The following TRPC3 variants were observed in gnomAD, a reference collection of about 807,000 sequenced individuals.
TRPC3 encodes the protein transient receptor potential cation channel subfamily C member 3.
A neutral mutation model predicts 90.9 loss-of-function variants in TRPC3; 54 were observed. The ratio of observed to expected loss-of-function variants is 0.59; its 90% CI spans 0.48 to 0.75. The LOEUF is 0.75. TRPC3 is among the 30% of genes least tolerant of loss of function. TRPC3 has a pLI of 0.00. For synonymous variants in TRPC3, 424 were observed against 450.9 expected (o/e 0.94, Z 0.75); for missense variants, 918 against 1,194.5 (o/e 0.77, Z 3.41).
chr4:121,926,411 C>T (rs1354143450), intron 2 of TRPC3, among the ~76,000 whole-genome samples: 1 of 144,660 alleles, frequency 6.9e-6, no homozygotes, highest in Non-Finnish European at 1.5e-5. Context: ...TTTTTGTTTT[C>T]TTTTTTTTTT....
chr4:121,901,035 G>A (rs966746375), intron 9 of TRPC3, among the ~76,000 whole-genome samples: 3 of 152,128 alleles, frequency 2.0e-5, no homozygotes, highest in Admixed American at 6.5e-5. Context: ...AGCCTACTGC[G>A]TGTGCTCTTC....
chr4:121,882,502 CT>C, intron 10 of TRPC3, 73 bp from the exon 11 acceptor site: 1 of 1,387,338 alleles, frequency 7.2e-7, no homozygotes. Context: ...TCCAAAGAGG[CT>C]TACATACCTG....
At chr4:121,925,236 C>G (rs1729662186) in intron 2 of TRPC3, 30 bp from the exon 3 acceptor site, 1 of 1,578,636 alleles carries the variant, frequency 6.3e-7, no homozygotes, top group South Asian at 1.2e-5. Flanking sequence ...TGTTTTAACA[C>G]AAATAATTTG....
chr4:121,898,550 TC>T (rs775593654), intron 10 of TRPC3, among the ~76,000 whole-genome samples: 2 of 152,126 alleles, frequency 1.3e-5, no homozygotes, highest in Non-Finnish European at 2.9e-5. Context: ...AAAATTGTCT[TC>T]CACAAAACCG....
intron 1 of TRPC3, among the ~76,000 whole-genome samples, chr4:121,946,411 A>G (rs1730490622): frequency 6.6e-6 from 1 of 152,238 alleles, no homozygotes; most frequent in African/African-American, 2.4e-5. Context: ...AGAAACAAGG[A>G]CACGATGTGA....
intron 2 of TRPC3, among the ~76,000 whole-genome samples, chr4:121,929,005 C>G (rs1729807241): frequency 6.6e-6 from 1 of 152,160 alleles, no homozygotes; most frequent in African/African-American, 2.4e-5. Context: ...TTGTGGAATT[C>G]ACTTTACCTC....
In TRPC3 at chr4:121,904,536, A is replaced by G. The variant is rs1426271286; in HGVS notation, c.2058-19T>C. ...TTCTACACTGTTGAAAAAATAAGAT[A>G]CAAAGTAAGTAAGTTAACAGTTTTC... On this transcript the variant is annotated intron_variant, in intron 7 of 11. Coordinates refer to ENST00000379645, the MANE Select transcript of TRPC3 (RefSeq NM_001130698.2). The G allele has an allele frequency of 6.6e-7, 1 of 1,512,792 alleles. No homozygotes were observed. The highest frequency in any genetic ancestry group is 1.3e-5 in the South Asian group (1 of 74,636). The allele number at this position is 1,512,792 out of a possible 1,614,324, so 93.7% of individuals were successfully genotyped here. A position where few individuals can be genotyped will look rare whatever the true frequency, so the allele number is the denominator to read the frequency against.
intron 5 of TRPC3, 55 bp downstream of exon 5, chr4:121,911,822 T>G (rs1729111457): frequency 6.7e-7 from 1 of 1,492,028 alleles, no homozygotes; most frequent in African/African-American, 1.4e-5. Flanking sequence ...AAATGACAAT[T>G]ATTTCTATAA....
chr4:121,909,856 A>G (rs568898363), intron 6 of TRPC3, among the ~76,000 whole-genome samples: 16 of 152,202 alleles, frequency 1.1e-4, no homozygotes, highest in Non-Finnish European at 1.9e-4. Flanking sequence ...GTCTCCCAAT[A>G]GTAATTATCT....
rs562563865 is a variant in TRPC3, at chr4:121,876,648, C to T, written c.*3088G>A. Among the ~76,000 whole-genome samples, 26 of 152,148 alleles carry T rather than the reference C, an allele frequency of 1.7e-4. No individual in the cohort carries two copies. The highest frequency in any genetic ancestry group is 3.4e-4 in the Non-Finnish European group (23 of 68,020). ...CCAAATTTGCTTTTAATAATCACAA[C>T]ATATCATTTTTGTTTTTATTGTGCA... On this transcript the variant is annotated 3_prime_UTR_variant, in exon 12 of 12. Transcript: ENST00000379645.
At chr4:121,899,492 C>T in intron 10 of TRPC3, 120 bp downstream of exon 10, 1 of 722,842 alleles carries the variant, frequency 1.4e-6, no homozygotes, top group Non-Finnish European at 2.2e-6. Context: ...TCTGAACTAT[C>T]CTCATGGTAT....
intron 4 of TRPC3, 114 bp from the exon 5 acceptor site, chr4:121,912,207 T>G: frequency 2.3e-6 from 2 of 864,030 alleles, no homozygotes; most frequent in South Asian, 4.1e-5. Context: ...AAATTCTGCT[T>G]CTGTTTCCAA....
In TRPC3 at chr4:121,882,526, C is replaced by A. The variant is rs112802656; in HGVS notation, c.2548-97G>T. The A allele has an allele frequency of 3.1e-5, 34 of 1,105,132 alleles. 1 individual carries two copies. In the African/African-American group the frequency reaches 3.3e-4, roughly 11 times the overall value. The allele number at this position is 1,105,132 out of a possible 1,614,324, so 68.5% of individuals were successfully genotyped here. ...GCTTACATACCTGTAAAGCAAACAACTCAGGGGAGAAAAAAATTTTATAAC... is the reference window on the plus strand; with the variant it reads ...GCTTACATACCTGTAAAGCAAACAAATCAGGGGAGAAAAAAATTTTATAAC... On this transcript the variant is annotated intron_variant, in intron 10 of 11. Coordinates refer to ENST00000379645, the MANE Select transcript of TRPC3 (RefSeq NM_001130698.2).
rs879313576 is a variant in TRPC3 at position 121,876,673 on chromosome 4, A to T, written c.*3063T>A. 6.6e-6 allele frequency among the ~76,000 whole-genome samples: 1 copy of T among 152,224 alleles called. No individual in the cohort carries two copies. Among genetic ancestry groups the T allele is most frequent in the Non-Finnish European group, 1.5e-5 (1 of 68,042 alleles). On this transcript the variant is annotated 3_prime_UTR_variant, in exon 12 of 12. Transcript: ENST00000379645. Reference sequence around the variant, plus strand: ...CATATCATTTTTGTTTTTATTGTGCATAAACTCTGTAAAGATACTCTGTAC... The same window carrying T: ...CATATCATTTTTGTTTTTATTGTGCTTAAACTCTGTAAAGATACTCTGTAC...
intron 1 of TRPC3, among the ~76,000 whole-genome samples, chr4:121,940,135 G>A (rs1187626205): frequency 1.3e-5 from 2 of 152,166 alleles, no homozygotes; most frequent in Non-Finnish European, 2.9e-5. Flanking sequence ...GAATCAGAAA[G>A]CAAAAGCCCC....
chr4:121,940,595 A>G (rs1364518765), intron 1 of TRPC3, among the ~76,000 whole-genome samples: 1 of 152,196 alleles, frequency 6.6e-6, no homozygotes, highest in Admixed American at 6.5e-5. Flanking sequence ...TCCAGTTTAC[A>G]TTACACTTCT....
rs1183714568 is a variant in TRPC3 at position 121,932,629 on chromosome 4, G to A, written c.629C>T (p.Pro210Leu). 6.2e-7 allele frequency: 1 copy of A among 1,613,296 alleles called. No homozygotes were observed. Among genetic ancestry groups the A allele is most frequent in the Non-Finnish European group, 8.5e-7 (1 of 1,179,382 alleles). Residue 210 changes from proline (P) to leucine (L), a missense_variant, in exon 2 of 12, where the codon CCC (proline) becomes CTC (leucine). Physicochemically the swap from Pro to Leu is moderately conservative, Grantham distance 98 (BLOSUM62 -3). Around this residue, in one of 4 missense-constraint regions of TRPC3, gnomAD observed 609 missense variants for 725.9 expected, o/e 0.84. Coordinates refer to ENST00000379645, the MANE Select transcript of TRPC3 (RefSeq NM_001130698.2). The surrounding 1 kb of genome is among the most constrained non-coding windows in gnomAD (Gnocchi z 7.7). ...GTCGTCCTGCAGCTCCTGCTCACAG[G>A]GGCTCAGAGTGAGACGCTTGCTGGC... The part of the protein sequence containing the change: ...FAASKRLTLS[P>L]CEQELQDDDF...
chr4:121,895,067 T>C (rs1230779764), intron 10 of TRPC3, among the ~76,000 whole-genome samples: 1 of 151,968 alleles, frequency 6.6e-6, no homozygotes, highest in Non-Finnish European at 1.5e-5. Flanking sequence ...GAATGACCAA[T>C]GAGTCAAGGA....
rs1386060585 is a variant in TRPC3, at chr4:121,907,985, T to C, written c.1793-418A>G. Among the ~76,000 whole-genome samples the C allele has an allele frequency of 4.6e-5, 7 of 152,144 alleles. 1 individual carries two copies. In the East Asian group the frequency reaches 1.3e-3, roughly 29 times the overall value. On this transcript the variant is annotated intron_variant, in intron 6 of 11. Transcript: ENST00000379645. ...CGGAGTGTAACTTCTTTTCCATATC[T>C]TGTGGGAAAATTAGTTCATCCAACA... is the stretch of plus-strand genomic sequence containing the variant.
Sources: gnomAD v4.1 joint callset for allele counts (sites outside exome capture counted in the v4.1 genomes callset) on GRCh38, gnomAD v4.1.1 for gene constraint, gnomAD v4.1.1 regional missense constraint, Gnocchi (gnomAD v3.1) non-coding constraint, MANE v1.5 for transcripts, NCBI Gene and HGNC (gene_info 2026-07-23, HGNC 2026-07-21) for gene names.